RYR2: variants seen among roughly 807,000 people sequenced by gnomAD.
RYR2 encodes ryanodine receptor 2, also known as cardiac muscle ryanodine receptor-calcium release channel.
Under a neutral mutation model 601.1 loss-of-function variants are expected in RYR2, and 227 were observed. That is an observed-to-expected ratio of 0.38 (90% CI 0.34 to 0.42). The LOEUF is 0.42. RYR2 is among the 10% of genes least tolerant of loss of function. The pLI is 1.00. For synonymous variants in RYR2, 2,223 were observed against 2,175.1 expected (o/e 1.02, Z -0.61); for missense variants, 4,646 against 6,156.5 (o/e 0.75, Z 8.21).
At chr1:237,735,839 T>C (rs563731918) in intron 79 of RYR2, among the ~76,000 whole-genome samples, 2 of 152,224 alleles carry the variant, frequency 1.3e-5, no homozygotes, top group African/African-American at 4.8e-5. Context: ...AAGAAAAATA[T>C]CTGTACATGT....
In RYR2 at chr1:237,227,477, CAAAT is replaced by C. The variant is rs1343164347; in HGVS notation, c.49-43016_49-43013del. Among the ~76,000 whole-genome samples the C allele has an allele frequency of 5.9e-5, 9 of 152,162 alleles. No homozygotes were observed. In the East Asian group the frequency reaches 1.2e-3, roughly 20 times the overall value. The stretch of plus-strand genomic sequence containing the variant: ...GGGTAGATTCAGTTTGCTGATGTGT[CAAAT>C]AAAGTAAGTTTTGTTCAAAACTGTT... On this transcript the variant is annotated intron_variant, in intron 1 of 104. Transcript: ENST00000366574.
At chr1:237,729,731 C>CA (rs1301572219) in intron 76 of RYR2, among the ~76,000 whole-genome samples, 1 of 152,108 alleles carries the variant, frequency 6.6e-6, no homozygotes, top group Non-Finnish European at 1.5e-5. Flanking sequence ...ATAAGTAGTG[C>CA]AGGGTTTAAT....
At chr1:237,048,826 CTTG>C (rs1660904991) in intron 1 of RYR2, among the ~76,000 whole-genome samples, 1 of 152,118 alleles carries the variant, frequency 6.6e-6, no homozygotes, top group African/African-American at 2.4e-5. Flanking sequence ...TGAGAGAAAT[CTTG>C]TGGCAAGGAG....
intron 63 of RYR2, among the ~76,000 whole-genome samples, chr1:237,687,861 G>T (rs1451705380): frequency 6.6e-6 from 1 of 152,118 alleles, no homozygotes; most frequent in African/African-American, 2.4e-5. Context: ...ATTAAATAAT[G>T]AGCTGTTATA....
At chr1:237,560,076 C>T (rs1039768445) in intron 27 of RYR2, among the ~76,000 whole-genome samples, 1 of 152,254 alleles carries the variant, frequency 6.6e-6, no homozygotes, top group African/African-American at 2.4e-5. Context: ...CCTTCTCTTA[C>T]TGCATGTGCA....
intron 71 of RYR2, among the ~76,000 whole-genome samples, chr1:237,714,581 A>G (rs1273967760): frequency 6.6e-6 from 1 of 152,172 alleles, no homozygotes; most frequent in African/African-American, 2.4e-5. Context: ...CCACTATTAA[A>G]TTTAAAGCTA....
chr1:237,418,182 A>G (rs1395167981), intron 11 of RYR2, among the ~76,000 whole-genome samples: 1 of 152,082 alleles, frequency 6.6e-6, no homozygotes, highest in Non-Finnish European at 1.5e-5. Context: ...AGCTGGGACT[A>G]CAGGCACCTG....
intron 1 of RYR2, among the ~76,000 whole-genome samples, chr1:237,095,212 T>C (rs556013841): frequency 2.6e-5 from 4 of 152,330 alleles, no homozygotes; most frequent in African/African-American, 9.6e-5. Flanking sequence ...AGACAAACTT[T>C]CTTTATTGAA....
At chr1:237,664,864 G>A (rs1193870286) in intron 56 of RYR2, among the ~76,000 whole-genome samples, 1 of 152,106 alleles carries the variant, frequency 6.6e-6, no homozygotes, top group Non-Finnish European at 1.5e-5. Context: ...TATATGTTGT[G>A]GTGGGCAAAA....
chr1:237,594,897 T>TGTTTGTTTGTTTTTTTTG (rs1559084064), intron 33 of RYR2, among the ~76,000 whole-genome samples: 9 of 21,212 alleles, frequency 4.2e-4, no homozygotes, highest in African/African-American at 5.7e-4. Flanking sequence ...TTTTTTTTTT[T>TGTTTGTTTGTTTTTTTTG]TTTTTTTTTT....
intron 10 of RYR2, among the ~76,000 whole-genome samples, chr1:237,395,837 C>T (rs1029642658): frequency 9.9e-5 from 15 of 152,124 alleles, no homozygotes; most frequent in African/African-American, 2.4e-4. Context: ...TGAGCCACCA[C>T]GCCCAGCCAG....
chr1:237,190,858 C>T (rs1679896523), intron 1 of RYR2, among the ~76,000 whole-genome samples: 1 of 152,080 alleles, frequency 6.6e-6, no homozygotes, highest in African/African-American at 2.4e-5. Flanking sequence ...TTCCCCCATT[C>T]TGTAAGCTGC....
intron 7 of RYR2, among the ~76,000 whole-genome samples, chr1:237,375,194 T>C (rs1700925671): frequency 1.3e-5 from 2 of 152,174 alleles, no homozygotes; most frequent in Admixed American, 1.3e-4. Context: ...AGATAAAAAA[T>C]GAAAGTCTCC....
intron 1 of RYR2, among the ~76,000 whole-genome samples, chr1:237,135,353 T>G (rs1056627262): frequency 6.6e-6 from 1 of 151,830 alleles, no homozygotes; most frequent in East Asian, 1.9e-4. Flanking sequence ...CAGCATCCCC[T>G]TGTTGGTTTT....
intron 1 of RYR2, among the ~76,000 whole-genome samples, chr1:237,066,972 C>T (rs1663720256): frequency 6.6e-6 from 1 of 152,104 alleles, no homozygotes; most frequent in Non-Finnish European, 1.5e-5. Flanking sequence ...CTTTTCATGT[C>T]GTTTGCCTAT....
At position 237,778,735 on chromosome 1, in the gene RYR2, C is replaced by T; in HGVS notation, c.11845C>T (p.His3949Tyr). 1 of 1,611,198 alleles carries T rather than the reference C, an allele frequency of 6.2e-7. No homozygotes were observed. The highest frequency in any genetic ancestry group is 8.5e-7 in the Non-Finnish European group (1 of 1,177,486). The change falls in exon 88 of 105, where the codon CAT becomes TAT. Residue 3949 changes from histidine to tyrosine, a missense_variant. Physicochemically the swap from His to Tyr is moderately conservative, Grantham distance 83. This residue lies in a region of RYR2 where 90 missense variants were observed against 213.3 expected (regional missense o/e 0.42). Transcript: ENST00000366574. ...GTGGGATGCTGTGGTCGGCTTTCTT[C>T]ATGTGTTTGCCCATATGCAGATGAA... ...RLWDAVVGFL[H>Y]VFAHMQMKLS...
chr1:237,651,558 C>G, intron 51 of RYR2, 57 bp downstream of exon 51: 7 of 1,092,770 alleles, frequency 6.4e-6, no homozygotes, highest in Non-Finnish European at 9.5e-6. Context: ...ACTTTATTTT[C>G]TATGACAACA....
intron 67 of RYR2, among the ~76,000 whole-genome samples, chr1:237,705,845 T>G (rs1012063412): frequency 6.6e-5 from 10 of 152,106 alleles, no homozygotes; most frequent in African/African-American, 1.9e-4. Flanking sequence ...AAACATGGCT[T>G]TACAGATATT....
intron 99 of RYR2, among the ~76,000 whole-genome samples, chr1:237,807,530 T>C (rs961420383): frequency 1.3e-5 from 2 of 152,130 alleles, no homozygotes; most frequent in African/African-American, 4.8e-5. Flanking sequence ...TTTTGTATTT[T>C]TAGTAGAGAT....
Sources: gnomAD v4.1 joint callset for allele counts (sites outside exome capture counted in the v4.1 genomes callset) on GRCh38, gnomAD v4.1.1 for gene constraint, gnomAD v4.1.1 regional missense constraint, MANE v1.5 for transcripts, NCBI Gene and HGNC (gene_info 2026-07-23, HGNC 2026-07-21) for gene names.